The following RBPMS variants were observed in gnomAD, a reference collection of about 807,000 sequenced individuals.
RBPMS encodes RNA binding protein, mRNA processing factor.
A neutral mutation model predicts 26.8 loss-of-function variants in RBPMS; 7 were observed. The ratio of observed to expected loss-of-function variants is 0.26; its 90% CI spans 0.15 to 0.49. The LOEUF is 0.49. Among genes scored for constraint, RBPMS ranks in the 20% least tolerant of loss-of-function variants. RBPMS has a pLI of 0.98. For synonymous variants in RBPMS, 96 were observed against 93.3 expected (o/e 1.03, Z -0.17); for missense variants, 186 against 250.0 (o/e 0.74, Z 1.73).
At chr8:30,468,404 C>T (rs1816744559) in intron 1 of RBPMS, among the ~76,000 whole-genome samples, 1 of 151,886 alleles carries the variant, frequency 6.6e-6, no homozygotes. Flanking sequence ...TGGTTTTTAT[C>T]CTACTTCCCT....
At chr8:30,563,383 G>A (rs932225301) in intron 7 of RBPMS, among the ~76,000 whole-genome samples, 1 of 152,232 alleles carries the variant, frequency 6.6e-6, no homozygotes, top group African/African-American at 2.4e-5. Flanking sequence ...AGGCGAGCAT[G>A]AGCAACGCTG....
At position 30,549,809 on chromosome 8, in the gene RBPMS, T is replaced by TCTCTCTCCCCCCTCTCTC. The variant is rs1826191228; in HGVS notation, c.528+5192_528+5193insCCCCCTCTCTCCTCTCTC. ...CTCTCTCTCTCTCCCCTCTCTCCTC[T>TCTCTCTCCCCCCTCTCTC]CTCTCTCTCTCTCTCTCTTTTCTTT... is the stretch of plus-strand genomic sequence containing the variant. On this transcript the variant is annotated intron_variant, in intron 6 of 8. Transcript: ENST00000397323. Among the ~76,000 whole-genome samples, 81 of 92,592 alleles carry TCTCTCTCCCCCCTCTCTC rather than the reference T, an allele frequency of 8.7e-4. 1 individual carries two copies. The highest frequency in any genetic ancestry group is 1.6e-3 in the South Asian group (5 of 3,210). The allele number at this position is 92,592 out of a possible 152,430, so 60.7% of individuals were successfully genotyped here.
chr8:30,500,053 G>T (rs1820388950), intron 4 of RBPMS, among the ~76,000 whole-genome samples: 1 of 152,150 alleles, frequency 6.6e-6, no homozygotes. Context: ...AAACATAGCT[G>T]GTTGAATGCT....
chr8:30,466,165 T>C (rs977328140), intron 1 of RBPMS, among the ~76,000 whole-genome samples: 6 of 152,192 alleles, frequency 3.9e-5, no homozygotes, highest in African/African-American at 1.4e-4. Context: ...CAAATACTAG[T>C]GGATCCCTCA....
At chr8:30,508,852 G>A (rs1821310898) in intron 5 of RBPMS, among the ~76,000 whole-genome samples, 1 of 152,070 alleles carries the variant, frequency 6.6e-6, no homozygotes, top group South Asian at 2.1e-4. Flanking sequence ...TTCTTGATGA[G>A]TTTATACTCT....
intron 5 of RBPMS, among the ~76,000 whole-genome samples, chr8:30,519,528 G>A (rs1378888304): frequency 3.7e-5 from 5 of 133,898 alleles, no homozygotes; most frequent in Admixed American, 8.7e-5. Context: ...GTGTTGCCCA[G>A]GCTGGAGTGC....
chr8:30,439,091 G>T (rs1190042622), intron 1 of RBPMS, among the ~76,000 whole-genome samples: 1 of 152,148 alleles, frequency 6.6e-6, no homozygotes, highest in South Asian at 2.1e-4. Flanking sequence ...GTTTGCTGAG[G>T]GGGAATATCT....
In RBPMS at chr8:30,549,911, T is replaced by C. The variant is rs3779637; in HGVS notation, c.528+5287T>C. Among the ~76,000 whole-genome samples, 852 of 151,074 alleles carry C rather than the reference T, an allele frequency of 5.6e-3. 48 individuals are homozygous for C. In the East Asian group the frequency reaches 0.14, roughly 25 times the overall value. ...TGTCGCCCAGGCTGGAGTGCAGTGGTGTGATCTCGGCTCACTGCAAGCTCC... is the reference window on the plus strand; with the variant it reads ...TGTCGCCCAGGCTGGAGTGCAGTGGCGTGATCTCGGCTCACTGCAAGCTCC... On this transcript the variant is annotated intron_variant, in intron 6 of 8. Coordinates refer to ENST00000397323, the MANE Select transcript of RBPMS (RefSeq NM_001008710.3).
At chr8:30,551,674 C>T (rs372181039) in intron 6 of RBPMS, among the ~76,000 whole-genome samples, 1 of 152,182 alleles carries the variant, frequency 6.6e-6, no homozygotes, top group African/African-American at 2.4e-5. Context: ...CGTCTGCGCT[C>T]GGCTCTTCCC....
At chr8:30,410,555 G>GGTGT (rs201695688) in intron 1 of RBPMS, among the ~76,000 whole-genome samples, 7 of 150,998 alleles carry the variant, frequency 4.6e-5, no homozygotes, top group Non-Finnish European at 8.9e-5. Context: ...TATATATATA[G>GGTGT]GTGTGTGTGT....
chr8:30,462,503 A>G (rs1816033061), intron 1 of RBPMS, among the ~76,000 whole-genome samples: 1 of 151,884 alleles, frequency 6.6e-6, no homozygotes, highest in Non-Finnish European at 1.5e-5. Context: ...GGCTCACTCC[A>G]ACCTCCTCCT....
chr8:30,437,778 G>A (rs932863185), intron 1 of RBPMS, among the ~76,000 whole-genome samples: 2 of 139,218 alleles, frequency 1.4e-5, no homozygotes, highest in Non-Finnish European at 3.1e-5. Context: ...GTGACAGAGC[G>A]AGACTCCATC....
At chr8:30,424,134 C>A (rs1253226922) in intron 1 of RBPMS, among the ~76,000 whole-genome samples, 1 of 152,150 alleles carries the variant, frequency 6.6e-6, no homozygotes, top group Non-Finnish European at 1.5e-5. Flanking sequence ...CCATGCTGGG[C>A]CTTGGATGGG....
intron 1 of RBPMS, among the ~76,000 whole-genome samples, chr8:30,456,080 A>G (rs554576243): frequency 6.6e-6 from 1 of 152,280 alleles, no homozygotes; most frequent in South Asian, 2.1e-4. Context: ...GAATGAGGTC[A>G]GAAGAGCAAT....
intron 1 of RBPMS, among the ~76,000 whole-genome samples, chr8:30,423,814 TG>T (rs1439318724): frequency 1.3e-5 from 1 of 78,474 alleles, no homozygotes; most frequent in Non-Finnish European, 2.4e-5. Flanking sequence ...AAAATCTGGA[TG>T]GGTTTTTTGT....
chr8:30,548,853 GCATCTGCAT>G (rs1826066228), intron 6 of RBPMS, among the ~76,000 whole-genome samples: 1 of 152,252 alleles, frequency 6.6e-6, no homozygotes. Flanking sequence ...ATCGTATTAA[GCATCTGCAT>G]CACTATGCCC....
chr8:30,456,847 G>A (rs564725129), intron 1 of RBPMS, among the ~76,000 whole-genome samples: 10 of 152,308 alleles, frequency 6.6e-5, no homozygotes, highest in East Asian at 1.9e-4. Flanking sequence ...TTGAAACCCC[G>A]GAGGTGGAGG....
Position 30,496,831 on chromosome 8 carries a change from C to T in RBPMS, c.247-7455C>T, listed in dbSNP as rs1278469494. Among the ~76,000 whole-genome samples the T allele has an allele frequency of 6.6e-5, 10 of 152,276 alleles. No homozygotes were observed. The East Asian group carries it at 1.9e-3, about 29-fold the overall frequency. On this transcript the variant is annotated intron_variant, in intron 4 of 8. Transcript: ENST00000397323. ...GTGCTCTCCACTGTAATAGATTACC[C>T]AGATGCGGGTTTATCTGTGGCCTGT...
chr8:30,445,649 G>GACATATATATATATATAT (rs1198019611), intron 1 of RBPMS, among the ~76,000 whole-genome samples: 2 of 107,344 alleles, frequency 1.9e-5, no homozygotes, highest in African/African-American at 7.9e-5. Context: ...TATACACACG[G>GACATATATATATATATAT]ATATATATAT....
Sources: gnomAD v4.1 joint callset for allele counts (sites outside exome capture counted in the v4.1 genomes callset) on GRCh38, gnomAD v4.1.1 for gene constraint, MANE v1.5 for transcripts, NCBI Gene and HGNC (gene_info 2026-07-23, HGNC 2026-07-21) for gene names.